Variants in CADM4 observed in about 807,000 individuals in gnomAD.
The protein encoded by CADM4 is cell adhesion molecule 4.
CADM4 carries 13 observed loss-of-function variants against 43.9 expected under a neutral mutation model. The ratio of observed to expected loss-of-function variants is 0.30; its 90% CI spans 0.19 to 0.47. The LOEUF (loss-of-function observed/expected upper bound fraction) is 0.47. Among genes scored for constraint, CADM4 ranks in the 20% least tolerant of loss-of-function variants. The pLI, the probability that CADM4 is intolerant of heterozygous loss-of-function variation, is 1.00. For missense variants in CADM4, 420 were observed against 527.0 expected (o/e 0.80, Z 1.99); for synonymous variants, 209 against 220.9 (o/e 0.95, Z 0.48).
At chr19:43,640,901 C>T (rs950831356), upstream of CADM4, among the ~76,000 whole-genome samples, 5 of 152,128 alleles carry the variant, frequency 3.3e-5, no homozygotes, top group East Asian at 3.9e-4. Context: ...AGGCCTCGAC[C>T]TCTCTCATGC....
chr19:43,630,315 T>C (rs1205421360), intron 1 of CADM4, among the ~76,000 whole-genome samples: 1 of 144,946 alleles, frequency 6.9e-6, no homozygotes, highest in African/African-American at 2.6e-5. Context: ...AGACATTGTC[T>C]TGCTCTGTCG....
intron 1 of CADM4, among the ~76,000 whole-genome samples, chr19:43,629,166 T>C (rs1238698206): frequency 6.6e-6 from 1 of 152,008 alleles, no homozygotes; most frequent in African/African-American, 2.4e-5. Flanking sequence ...GCCTGACCCA[T>C]CTCCCTCATA....
In CADM4 at chr19:43,623,213, G is replaced by T; in HGVS notation, c.*117C>A. 1 of 754,156 alleles carries T rather than the reference G, an allele frequency of 1.3e-6. No homozygotes were observed. Among genetic ancestry groups the T allele is most frequent in the Non-Finnish European group, 2.4e-6 (1 of 424,162 alleles). The allele number at this position is 754,156 out of a possible 1,614,324, so 46.7% of individuals were successfully genotyped here. On this transcript the variant is annotated 3_prime_UTR_variant, in exon 9 of 9. Coordinates refer to ENST00000222374, the MANE Select transcript of CADM4 (RefSeq NM_145296.2). The surrounding 1 kb of genome is among the most constrained non-coding windows in gnomAD (Gnocchi z 4.4). The stretch of plus-strand genomic sequence containing the variant: ...TGCCCAAGCGTCTGAGGTGTTAGTG[G>T]TGGGGGGAGAAGCCCACCATCCCAG...
chr19:43,633,158 C>T (rs550347715), intron 1 of CADM4, among the ~76,000 whole-genome samples: 14 of 151,574 alleles, frequency 9.2e-5, no homozygotes, highest in Admixed American at 2.0e-4. Context: ...ACTGCAGCCT[C>T]GAACTCCTGG....
intron 1 of CADM4, among the ~76,000 whole-genome samples, chr19:43,633,108 C>G (rs567935993): frequency 1.3e-5 from 2 of 151,040 alleles, no homozygotes; most frequent in South Asian, 2.1e-4. Context: ...GGGTATTGCT[C>G]TGTCACCCAG....
chr19:43,641,926 G>T (rs774628991), upstream of CADM4, among the ~76,000 whole-genome samples: 13 of 152,168 alleles, frequency 8.5e-5, no homozygotes, highest in Non-Finnish European at 1.6e-4. Flanking sequence ...TGCTCCAGCT[G>T]AAGGGGAACC....
At position 43,627,867 on chromosome 19, in the gene CADM4, C is replaced by T. The variant is rs1252939831; in HGVS notation, c.65-77G>A. 7 of 1,394,154 alleles carry T rather than the reference C, an allele frequency of 5.0e-6. No individual in the cohort carries two copies. Among genetic ancestry groups the T allele is most frequent in the South Asian group, 2.6e-5 (2 of 78,364 alleles). 86.4% of individuals were successfully genotyped at this position (1,394,154 alleles called of 1,614,324 possible). ...TCAATTTTTTCTTTCTCCCTCTTCCCCATCCAAACCTCCAATCCCTCTCTT... is the reference window on the plus strand; with the variant it reads ...TCAATTTTTTCTTTCTCCCTCTTCCTCATCCAAACCTCCAATCCCTCTCTT... On this transcript the variant is annotated intron_variant, in intron 1 of 8. Coordinates refer to ENST00000222374, the MANE Select transcript of CADM4 (RefSeq NM_145296.2). The surrounding 1 kb of genome is among the most constrained non-coding windows in gnomAD (Gnocchi z 4.0).
chr19:43,636,607 C>G (rs954040779), intron 1 of CADM4, among the ~76,000 whole-genome samples: 1 of 152,128 alleles, frequency 6.6e-6, no homozygotes, highest in Non-Finnish European at 1.5e-5. Context: ...GGCCACCCCC[C>G]ACCCCTCCCA....
chr19:43,636,074 T>G (rs1203359808), intron 1 of CADM4, among the ~76,000 whole-genome samples: 1 of 149,284 alleles, frequency 6.7e-6, no homozygotes, highest in African/African-American at 2.5e-5. Flanking sequence ...ATCCAGCCCC[T>G]CCTCTCCTGA....
In CADM4 at chr19:43,626,904, G is replaced by T; in HGVS notation, c.379C>A (p.Pro127Thr). 5 of 1,602,732 alleles carry T rather than the reference G, an allele frequency of 3.1e-6. No individual in the cohort carries two copies. Among genetic ancestry groups the T allele is most frequent in the Non-Finnish European group, 3.4e-6 (4 of 1,175,626 alleles). The change falls in exon 4 of 9, where the codon CCT (proline) becomes ACT (threonine). Residue 127 changes from proline (P) to threonine (T), a missense_variant. By Grantham distance (38) the Pro-to-Thr change is conservative. Transcript: ENST00000222374. This position sits in a 1 kb window ranked among gnomAD's most constrained non-coding sequence, Gnocchi z 5.9. Reference protein sequence around the residue: ...TLTVLVAPENPVVEVREQAVE... With the variant: ...TLTVLVAPENTVVEVREQAVE... ...GCCTGCTCCCGGACCTCCACCACAG[G>T]ATTCTCTGGGGCCACTGCCGCAGGG...
At position 43,623,254 on chromosome 19, in the gene CADM4, T is replaced by A. The variant is rs540453254; in HGVS notation, c.*76A>T. ...ACCATCCCAGACTCTGGTAAATGTC[T>A]TTGCTGGTTCCTTGCAGCTGGCAGT... On this transcript the variant is annotated 3_prime_UTR_variant, in exon 9 of 9. Transcript: ENST00000222374. This position sits in a 1 kb window ranked among gnomAD's most constrained non-coding sequence, Gnocchi z 4.4. The A allele has an allele frequency of 2.2e-5, 23 of 1,043,480 alleles. No individual in the cohort carries two copies. In the South Asian group the frequency reaches 2.9e-4, roughly 13 times the overall value. 64.6% of individuals were successfully genotyped at this position (1,043,480 alleles called of 1,614,324 possible). A position where few individuals can be genotyped will look rare whatever the true frequency, so the allele number is the denominator to read the frequency against.
rs1394418664 is a variant in CADM4 at position 43,626,080 on chromosome 19, G to T, written c.664+44C>A. On this transcript the variant is annotated intron_variant, in intron 5 of 8. Transcript: ENST00000222374. The surrounding 1 kb of genome is among the most constrained non-coding windows in gnomAD (Gnocchi z 5.9). ...AGGGGGACCCTCGCGGGTGCGGGTG[G>T]CTGGCGTTGGGATCCCTTGGGTCCT... The T allele has an allele frequency of 3.1e-6, 5 of 1,611,552 alleles. No individual in the cohort carries two copies. The East Asian group carries it at 1.1e-4, about 36-fold the overall frequency.
At chr19:43,634,528 C>T (rs1973674176) in intron 1 of CADM4, among the ~76,000 whole-genome samples, 1 of 151,990 alleles carries the variant, frequency 6.6e-6, no homozygotes, top group South Asian at 2.1e-4. Context: ...TTACTCCCTC[C>T]CCCTCCTGAG....
At position 43,626,264 on chromosome 19, in the gene CADM4, C is replaced by G. The variant is rs1973525668; in HGVS notation, c.524G>C (p.Gly175Ala). 6.2e-7 allele frequency: 1 copy of G among 1,612,264 alleles called. No homozygotes were observed. The highest frequency in any genetic ancestry group is 8.5e-7 in the Non-Finnish European group (1 of 1,180,016). ...TGTGCTTGCCACGCTCCAGACCTTG[C>G]CATTTTCCTGGCTGCTGCTCACTCC... ...LKGVSSSQEN[G>A]KVWSVASTVR... The change falls in exon 5 of 9, where the codon GGC (glycine) becomes GCC (alanine). Residue 175 changes from glycine (G) to alanine (A), a missense_variant. Physicochemically the swap from Gly to Ala is moderately conservative, Grantham distance 60. Transcript: ENST00000222374. This position sits in a 1 kb window ranked among gnomAD's most constrained non-coding sequence, Gnocchi z 5.9.
rs1435642005 is a variant in CADM4, at chr19:43,623,343, TC to T, written c.1153del (p.Glu385AsnfsTer258). ...GTGGGGATAGGGTCAGATGAAGAATTCCTCTTTCCTCTTGTGTCCGTCGCTG... is the reference window on the plus strand; with the variant it reads ...GTGGGGATAGGGTCAGATGAAGAATTCTCTTTCCTCTTGTGTCCGTCGCTG... ...NGSDGHKRKE[E>X]FFI On this transcript the variant is annotated frameshift_variant, in exon 9 of 9. Transcript: ENST00000222374. LOFTEE classifies it high-confidence loss of function. The surrounding 1 kb of genome is among the most constrained non-coding windows in gnomAD (Gnocchi z 4.4). The T allele has an allele frequency of 6.2e-7, 1 of 1,613,892 alleles. No homozygotes were observed. The highest frequency in any genetic ancestry group is 8.5e-7 in the Non-Finnish European group (1 of 1,179,882).
At position 43,627,065 on chromosome 19, in the gene CADM4, TC is replaced by T. The variant is rs745577249; in HGVS notation, c.364+100del. The T allele has an allele frequency of 6.7e-7, 1 of 1,489,006 alleles. No homozygotes were observed. Among genetic ancestry groups the T allele is most frequent in the Non-Finnish European group, 9.0e-7 (1 of 1,109,302 alleles). 92.2% of individuals were successfully genotyped at this position (1,489,006 alleles called of 1,614,324 possible). On this transcript the variant is annotated intron_variant, in intron 3 of 8. Coordinates refer to ENST00000222374, the MANE Select transcript of CADM4 (RefSeq NM_145296.2). This position sits in a 1 kb window ranked among gnomAD's most constrained non-coding sequence, Gnocchi z 4.0. ...GGAGAGGTCAGGAGCCAGATGCCCA[TC>T]CAGGATGTTAAAAATAGCCATGGTC...
Position 43,623,623 on chromosome 19 carries a change from A to G in CADM4, c.1058-184T>C, listed in dbSNP as rs187448383. Among the ~76,000 whole-genome samples, 1,112 of 152,286 alleles carry G rather than the reference A, an allele frequency of 7.3e-3. 57 individuals carry two copies. The highest frequency in any genetic ancestry group is 0.067 in the Admixed American group (1,025 of 15,298). ...GTGGCAGAGAAAGAGGTAAAAGCAG[A>G]ATTAGGAAGACTCCAAAAGCTCACC... On this transcript the variant is annotated intron_variant, in intron 8 of 8. Transcript: ENST00000222374. The surrounding 1 kb of genome is among the most constrained non-coding windows in gnomAD (Gnocchi z 4.4).
At chr19:43,639,602 G>T in intron 1 of CADM4, 125 bp downstream of exon 1, 1 of 532,048 alleles carries the variant, frequency 1.9e-6, no homozygotes, top group Non-Finnish European at 2.4e-6. Flanking sequence ...GCTTTGTCCC[G>T]GGGAGGGGGC....
intron 1 of CADM4, among the ~76,000 whole-genome samples, chr19:43,632,985 T>C (rs1364936946): frequency 6.6e-6 from 1 of 150,952 alleles, no homozygotes; most frequent in African/African-American, 2.4e-5. Flanking sequence ...TGAGGCAGAA[T>C]TGCTTGAACC....
Sources: allele counts gnomAD v4.1 joint callset (sites outside exome capture counted in the v4.1 genomes callset), GRCh38; gene constraint gnomAD v4.1.1; non-coding constraint Gnocchi (gnomAD v3.1); transcripts MANE v1.5; gene names NCBI Gene and HGNC (gene_info 2026-07-23, HGNC 2026-07-21).